Variants in STX8 observed in about 807,000 individuals in gnomAD.
The protein encoded by STX8 is syntaxin-8.
Under a neutral mutation model 37.5 loss-of-function variants are expected in STX8, and 23 were observed. The ratio of observed to expected loss-of-function variants is 0.61; its 90% CI spans 0.44 to 0.87. STX8 has a LOEUF of 0.87. Ranked by LOEUF, STX8 falls within the 40% of genes least tolerant of loss-of-function variation. STX8 has a pLI of 0.00. For synonymous variants in STX8, 115 were observed against 99.1 expected, an observed-to-expected ratio of 1.16 and a Z score of -0.95; for missense variants, 313 against 284.7, an observed-to-expected ratio of 1.10 and a Z score of -0.71.
chr17:9,488,313 C>T (rs571251072), intron 6 of STX8, among the ~76,000 whole-genome samples: 187 of 110,030 alleles, frequency 1.7e-3, no homozygotes, highest in African/African-American at 5.9e-3. Flanking sequence ...GCAACAAGGG[C>T]GAAACTCTGT....
intron 4 of STX8, among the ~76,000 whole-genome samples, chr17:9,540,496 A>G (rs1051612127): frequency 6.6e-6 from 1 of 152,128 alleles, no homozygotes; most frequent in African/African-American, 2.4e-5. Context: ...GGAATCACCA[A>G]TGGAAGTGAA....
intron 6 of STX8, among the ~76,000 whole-genome samples, chr17:9,430,009 ATAT>A (rs1340182716): frequency 6.6e-5 from 2 of 30,482 alleles, no homozygotes; most frequent in Non-Finnish European, 1.1e-4. Flanking sequence ...TATATATTAT[ATAT>A]TATATATTAT....
intron 4 of STX8, among the ~76,000 whole-genome samples, chr17:9,536,631 G>C (rs11867601): frequency 0.99 from 150,066 of 152,258 alleles, 73,980 homozygotes; most frequent in Middle Eastern, 1. Flanking sequence ...CCCTTCTGGT[G>C]TTCATCACAC....
At position 9,288,097 on chromosome 17, in the gene STX8, AGGGGG is replaced by A. The variant is rs58145480; in HGVS notation, c.644-37457_644-37453del. Among the ~76,000 whole-genome samples the A allele has an allele frequency of 1.3e-3, 11 of 8,494 alleles. 2 individuals carry two copies. The highest frequency in any genetic ancestry group is 0.01 in the East Asian group (2 of 194). The allele number at this position is 8,494 out of a possible 152,430, so 5.6% of individuals were successfully genotyped here. On this transcript the variant is annotated intron_variant, in intron 7 of 7. Transcript: ENST00000306357. ...GCCAAGCATCACTAGACATTTGACAAGGGGGGGGGGGGGGAGAAAAGCAAAACAAA... is the reference window on the plus strand; with the variant it reads ...GCCAAGCATCACTAGACATTTGACAAGGGGGGGGGAGAAAAGCAAAACAAA...
At chr17:9,536,533 C>T (rs757548043) in intron 4 of STX8, among the ~76,000 whole-genome samples, 3 of 152,134 alleles carry the variant, frequency 2.0e-5, no homozygotes, top group Non-Finnish European at 4.4e-5. Context: ...CCTTAACAAT[C>T]GTCAGTCAGA....
intron 6 of STX8, among the ~76,000 whole-genome samples, chr17:9,475,285 A>T (rs556328363): frequency 1.3e-5 from 2 of 152,288 alleles, no homozygotes; most frequent in African/African-American, 4.8e-5. Flanking sequence ...TGACCAATAA[A>T]CCAAAACTGG....
At chr17:9,252,467 G>A (rs1906620356) in intron 7 of STX8, among the ~76,000 whole-genome samples, 2 of 151,602 alleles carry the variant, frequency 1.3e-5, no homozygotes, top group Admixed American at 1.3e-4. Flanking sequence ...ATATTAGCCA[G>A]GTGTGGTGGT....
At chr17:9,411,942 T>A (rs1387407208) in intron 6 of STX8, among the ~76,000 whole-genome samples, 1 of 152,174 alleles carries the variant, frequency 6.6e-6, no homozygotes, top group East Asian at 1.9e-4. Context: ...GATCTAAAAA[T>A]GTTGGAAGTC....
chr17:9,461,085 AC>A (rs2142419928), intron 6 of STX8: 1 of 151,766 alleles, frequency 6.6e-6, no homozygotes, highest in East Asian at 1.9e-4. Context: ...TACCTCTGTG[AC>A]AGCACTGAGC....
intron 6 of STX8, among the ~76,000 whole-genome samples, chr17:9,414,008 GTCCATCCA>G (rs1190129501): frequency 6.1e-4 from 84 of 137,724 alleles, no homozygotes; most frequent in African/African-American, 2.3e-3. Context: ...CTACCCATCT[GTCCATCCA>G]TCCATCCATC....
intron 4 of STX8, among the ~76,000 whole-genome samples, chr17:9,525,266 C>T (rs574733299): frequency 1.3e-5 from 2 of 152,200 alleles, no homozygotes; most frequent in Admixed American, 6.5e-5. Context: ...CAAGAAAGTA[C>T]GCAAGACAGA....
chr17:9,483,991 A>G lies in STX8; in HGVS notation c.541+7838T>C, dbSNP rs139937033. 2.0e-5 allele frequency among the ~76,000 whole-genome samples: 3 copies of G among 152,182 alleles called. No individual in the cohort carries two copies. The East Asian group carries it at 5.8e-4, about 29-fold the overall frequency. ...GGGCTGAATTGCTATTTCATGAGCAATAGTGTCATCTTCATCAATGCCAAA... is the reference window on the plus strand; with the variant it reads ...GGGCTGAATTGCTATTTCATGAGCAGTAGTGTCATCTTCATCAATGCCAAA... On this transcript the variant is annotated intron_variant, in intron 6 of 7. Coordinates refer to ENST00000306357, the MANE Select transcript of STX8 (RefSeq NM_004853.3).
At chr17:9,559,760 A>ATATATATTTTTTTTTTTTTTTTTTT in intron 2 of STX8, among the ~76,000 whole-genome samples, 1 of 24,496 alleles carries the variant, frequency 4.1e-5, no homozygotes, top group African/African-American at 1.9e-4. Flanking sequence ...ATATATATAT[A>ATATATATTTTTTTTTTTTTTTTTTT]TTTTTTTTTT....
intron 7 of STX8, among the ~76,000 whole-genome samples, chr17:9,340,148 C>A (rs1309379068): frequency 6.6e-6 from 1 of 152,252 alleles, no homozygotes; most frequent in Non-Finnish European, 1.5e-5. Flanking sequence ...TGTGCACCTG[C>A]GTGGGAATTC....
At chr17:9,482,138 T>C (rs1257496530) in intron 6 of STX8, among the ~76,000 whole-genome samples, 2 of 152,036 alleles carry the variant, frequency 1.3e-5, no homozygotes, top group African/African-American at 2.4e-5. Flanking sequence ...AGCCTGTGAA[T>C]AGACACTGCA....
rs931862621 is a variant in STX8, at chr17:9,534,405, G to C, written c.323+10767C>G. Among the ~76,000 whole-genome samples, 7 of 152,100 alleles carry C rather than the reference G, an allele frequency of 4.6e-5. No individual in the cohort carries two copies. In the East Asian group the frequency reaches 9.6e-4, roughly 21 times the overall value. ...GATGAGAAAATTCAACATTGTAAAG[G>C]ATTTCAAGATTTAACACAATCCCAA... On this transcript the variant is annotated intron_variant, in intron 4 of 7. Transcript: ENST00000306357.
chr17:9,491,810 A>G lies in STX8; in HGVS notation c.541+19T>C, dbSNP rs1412272940. 7 of 1,601,478 alleles carry G rather than the reference A, an allele frequency of 4.4e-6. No homozygotes were observed. The highest frequency in any genetic ancestry group is 6.0e-6 in the Non-Finnish European group (7 of 1,171,198). ...TTTATGTCAACGGCAAATCTGGTCAATCCCAGACTTATTCTTACCATTTTG... is the reference window on the plus strand; with the variant it reads ...TTTATGTCAACGGCAAATCTGGTCAGTCCCAGACTTATTCTTACCATTTTG... On this transcript the variant is annotated intron_variant, in intron 6 of 7. Coordinates refer to ENST00000306357, the MANE Select transcript of STX8 (RefSeq NM_004853.3).
At chr17:9,491,316 C>A (rs1174554087) in intron 6 of STX8, among the ~76,000 whole-genome samples, 1 of 152,054 alleles carries the variant, frequency 6.6e-6, no homozygotes. Context: ...AAGAGCCTTG[C>A]AGATGCCTAC....
chr17:9,306,597 A>T (rs74716897), intron 7 of STX8, among the ~76,000 whole-genome samples: 2 of 87,142 alleles, frequency 2.3e-5, no homozygotes, highest in East Asian at 2.2e-4. Context: ...TAAAAATACA[A>T]AAAAAAAAAA....
Sources: gnomAD v4.1 joint callset for allele counts (sites outside exome capture counted in the v4.1 genomes callset) on GRCh38, gnomAD v4.1.1 for gene constraint, MANE v1.5 for transcripts, NCBI Gene and HGNC (gene_info 2026-07-23, HGNC 2026-07-21) for gene names.